The following PDE3B variants were observed in gnomAD, a reference collection of about 807,000 sequenced individuals.
PDE3B encodes cGMP-inhibited 3',5'-cyclic phosphodiesterase 3B.
PDE3B carries 66 observed loss-of-function variants against 116.8 expected under a neutral mutation model. The ratio of observed to expected loss-of-function variants is 0.56; its 90% CI spans 0.46 to 0.69. The LOEUF is 0.69. Ranked by LOEUF, PDE3B falls within the 30% of genes least tolerant of loss-of-function variation. The pLI is 0.00. For synonymous variants in PDE3B, 595 were observed against 533.6 expected (o/e 1.12, Z -1.59); for missense variants, 1,384 against 1,368.1 (o/e 1.01, Z -0.18).
chr11:14,767,938 T>C (rs1342316068), intron 1 of PDE3B, among the ~76,000 whole-genome samples: 2 of 151,292 alleles, frequency 1.3e-5, no homozygotes, highest in Non-Finnish European at 3.0e-5. Context: ...AATCTAATAC[T>C]ACGGAGACAC....
intron 4 of PDE3B, among the ~76,000 whole-genome samples, chr11:14,801,813 T>G (rs1858777805): frequency 6.6e-6 from 1 of 152,200 alleles, no homozygotes; most frequent in Non-Finnish European, 1.5e-5. Flanking sequence ...CTGCTGCCTT[T>G]TTTTCAGAGA....
intron 1 of PDE3B, among the ~76,000 whole-genome samples, chr11:14,709,498 A>G (rs1343705525): frequency 6.6e-6 from 1 of 152,152 alleles, no homozygotes; most frequent in Non-Finnish European, 1.5e-5. Flanking sequence ...TGGAGGCACT[A>G]CCACTTTTCT....
At chr11:14,740,506 G>T (rs1393452868) in intron 1 of PDE3B, among the ~76,000 whole-genome samples, 2 of 151,902 alleles carry the variant, frequency 1.3e-5, no homozygotes, top group African/African-American at 4.8e-5. Flanking sequence ...ATCTTTATTA[G>T]TCTGGCTAGC....
chr11:14,693,218 T>G (rs1565094952), intron 1 of PDE3B, among the ~76,000 whole-genome samples: 4 of 152,188 alleles, frequency 2.6e-5, no homozygotes, highest in Admixed American at 2.0e-4. Context: ...CATGAGGTTT[T>G]AGCAACTATC....
intron 12 of PDE3B, among the ~76,000 whole-genome samples, chr11:14,856,715 G>T (rs558125386): frequency 4.5e-4 from 69 of 152,146 alleles, no homozygotes; most frequent in African/African-American, 1.6e-3. Context: ...TTAGCTGGGC[G>T]TGGTGGCGGG....
At chr11:14,688,895 C>G (rs1309819700) in intron 1 of PDE3B, among the ~76,000 whole-genome samples, 1 of 152,144 alleles carries the variant, frequency 6.6e-6, no homozygotes, top group East Asian at 1.9e-4. Flanking sequence ...GCCTTAGCCT[C>G]CCCAGTAGCT....
chr11:14,768,263 A>C (rs1220403109), intron 1 of PDE3B, among the ~76,000 whole-genome samples: 2 of 151,572 alleles, frequency 1.3e-5, no homozygotes, highest in Non-Finnish European at 3.0e-5. Flanking sequence ...AGACTAAAGA[A>C]ACAGACACCA....
At chr11:14,882,515 C>T in the PDE3B span, among the ~76,000 whole-genome samples, 1 of 152,134 alleles carries the variant, frequency 6.6e-6, no homozygotes, top group African/African-American at 2.4e-5. Context: ...TATAAAAACC[C>T]TACACTGGCC....
chr11:14,849,001 G>T (rs544981807), intron 12 of PDE3B, among the ~76,000 whole-genome samples: 55 of 152,106 alleles, frequency 3.6e-4, no homozygotes, highest in Non-Finnish European at 6.6e-4. Context: ...AAGTTCATAT[G>T]GAACCAAAAA....
At chr11:14,663,082 G>T (rs1328325494) in intron 1 of PDE3B, among the ~76,000 whole-genome samples, 2 of 152,132 alleles carry the variant, frequency 1.3e-5, no homozygotes, top group East Asian at 3.8e-4. Context: ...CCCACAAAGG[G>T]AAGCCCATCA....
intron 1 of PDE3B, chr11:14,698,882 CCTTTGCTATACAGTATACAT>C (rs1855285746): frequency 6.6e-6 from 1 of 151,938 alleles, no homozygotes; most frequent in Non-Finnish European, 1.5e-5. Context: ...TACTTCAAAG[CCTTTGCTATACAGTATACAT>C]GGAGGAAAAT....
chr11:14,713,391 A>G (rs1855765142), intron 1 of PDE3B, among the ~76,000 whole-genome samples: 1 of 152,174 alleles, frequency 6.6e-6, no homozygotes. Flanking sequence ...TAGATGGATT[A>G]TGAGTAGAGC....
chr11:14,743,499 C>T (rs1443661278), intron 1 of PDE3B, among the ~76,000 whole-genome samples: 1 of 152,208 alleles, frequency 6.6e-6, no homozygotes, highest in African/African-American at 2.4e-5. Context: ...TGTTGGGCTC[C>T]ATCAGGGTGG....
At chr11:14,663,333 G>A (rs1395864007) in intron 1 of PDE3B, among the ~76,000 whole-genome samples, 12 of 151,740 alleles carry the variant, frequency 7.9e-5, no homozygotes, top group South Asian at 4.2e-4. Context: ...AGGAACAACC[G>A]GTACCAGCCC....
At position 14,818,476 on chromosome 11, in the gene PDE3B, A is replaced by G. The variant is rs982137265; in HGVS notation, c.1733+83A>G. On this transcript the variant is annotated intron_variant, in intron 6 of 15. Transcript: ENST00000282096. Reference sequence around the variant, plus strand: ...TCAACATTTTGGATAGGTTCTTGGAAACTCCAGCTTTAAGCTAAATGACCA... The same window carrying G: ...TCAACATTTTGGATAGGTTCTTGGAGACTCCAGCTTTAAGCTAAATGACCA... 8 of 860,918 alleles carry G rather than the reference A, an allele frequency of 9.3e-6. No homozygotes were observed. In the African/African-American group the frequency reaches 1.2e-4, roughly 13 times the overall value. The allele number at this position is 860,918 out of a possible 1,614,324, so 53.3% of individuals were successfully genotyped here.
chr11:14,671,928 T>C (rs1266066503), intron 1 of PDE3B, among the ~76,000 whole-genome samples: 3 of 150,800 alleles, frequency 2.0e-5, no homozygotes, highest in African/African-American at 7.3e-5. Context: ...CTTAGGGGGC[T>C]GAGGTGGGAG....
chr11:14,819,223 A>T lies in PDE3B; in HGVS notation c.1807+14A>T. 1 of 1,512,226 alleles carries T rather than the reference A, an allele frequency of 6.6e-7. No homozygotes were observed. The highest frequency in any genetic ancestry group is 2.2e-4 in the Middle Eastern group (1 of 4,460). The allele number at this position is 1,512,226 out of a possible 1,614,324, so 93.7% of individuals were successfully genotyped here. A position where few individuals can be genotyped will look rare whatever the true frequency, so the allele number is the denominator to read the frequency against. ...GTGGAAAATCAGGTGAGATTACAAA[A>T]GTCATATGTATTTGAGTTTAAGAGA... On this transcript the variant is annotated intron_variant, in intron 7 of 15. Coordinates refer to ENST00000282096, the MANE Select transcript of PDE3B (RefSeq NM_000922.4).
downstream of PDE3B, among the ~76,000 whole-genome samples, chr11:14,872,886 T>C (rs956851653): frequency 6.6e-6 from 1 of 152,172 alleles, no homozygotes; most frequent in African/African-American, 2.4e-5. Flanking sequence ...AAACTCCACA[T>C]ATAAGTGGAC....
the PDE3B span, chr11:14,891,711 G>C: frequency 8.0e-7 from 1 of 1,251,032 alleles, no homozygotes. Flanking sequence ...AAGAGCTCGA[G>C]CGGTAGCGGG....
Sources: gnomAD v4.1 joint callset for allele counts (sites outside exome capture counted in the v4.1 genomes callset) on GRCh38, gnomAD v4.1.1 for gene constraint, MANE v1.5 for transcripts, NCBI Gene and HGNC (gene_info 2026-07-23, HGNC 2026-07-21) for gene names.